The following MDGA2 variants were observed in gnomAD, a reference collection of about 807,000 sequenced individuals.
MDGA2 encodes MAM domain-containing glycosylphosphatidylinositol anchor protein 2.
In MDGA2, 40 loss-of-function variants were observed where a neutral mutation model predicts 117.8. The observed-to-expected ratio is 0.34, with a 90% CI of 0.26 to 0.44. The LOEUF (loss-of-function observed/expected upper bound fraction) is 0.44, where lower values mean the gene tolerates loss of function less well. MDGA2 is among the 20% of genes least tolerant of loss of function. The pLI is 1.00. For synonymous variants in MDGA2, 452 were observed against 439.0 expected (o/e 1.03, Z -0.37); for missense variants, 1,123 against 1,250.6 (o/e 0.90, Z 1.54).
At chr14:47,497,013 G>GAC (rs1057495502) in intron 1 of MDGA2, among the ~76,000 whole-genome samples, 1 of 151,918 alleles carries the variant, frequency 6.6e-6, no homozygotes, top group African/African-American at 2.4e-5. Flanking sequence ...GTGCTGATCT[G>GAC]ACAGCAGGTG....
chr14:47,489,075 G>T (rs548044170), intron 1 of MDGA2, among the ~76,000 whole-genome samples: 36 of 152,014 alleles, frequency 2.4e-4, no homozygotes, highest in Admixed American at 1.8e-3. Context: ...TATTTATGAT[G>T]ATGTAGGTTT....
intron 8 of MDGA2, among the ~76,000 whole-genome samples, chr14:46,984,518 A>G (rs1886796148): frequency 6.6e-6 from 1 of 152,000 alleles, no homozygotes. Flanking sequence ...AATCAGTGCA[A>G]TTATATCAAA....
chr14:47,223,519 C>T (rs1886372718), intron 2 of MDGA2, among the ~76,000 whole-genome samples: 1 of 152,132 alleles, frequency 6.6e-6, no homozygotes. Flanking sequence ...TGCCTCATGA[C>T]ACTGCTTATA....
chr14:47,461,297 G>GTGTGTGTGTGTGTGTT (rs1399767786), intron 1 of MDGA2, among the ~76,000 whole-genome samples: 2 of 151,672 alleles, frequency 1.3e-5, no homozygotes, highest in Non-Finnish European at 2.9e-5. Flanking sequence ...GTGTGTGTGT[G>GTGTGTGTGTGTGTGTT]TATCTACTGT....
At chr14:47,159,097 G>A (rs1883527267) in intron 3 of MDGA2, among the ~76,000 whole-genome samples, 1 of 152,218 alleles carries the variant, frequency 6.6e-6, no homozygotes, top group African/African-American at 2.4e-5. Context: ...ACTACTCTGT[G>A]TGATACTAAA....
intron 1 of MDGA2, among the ~76,000 whole-genome samples, chr14:47,380,130 T>C (rs1891579766): frequency 6.6e-6 from 1 of 152,162 alleles, no homozygotes; most frequent in African/African-American, 2.4e-5. Context: ...ACTGGGTATG[T>C]AATGAAATGA....
intron 7 of MDGA2, among the ~76,000 whole-genome samples, chr14:47,042,177 T>C (rs1889093519): frequency 6.6e-6 from 1 of 152,100 alleles, no homozygotes; most frequent in Non-Finnish European, 1.5e-5. Flanking sequence ...AGAGATACTA[T>C]GTTTATGAAA....
rs576587569 is a variant in MDGA2, at chr14:47,416,548, G to A, written c.281-114998C>T. ...ACCCTGCTGGTCCAGAGTCACAAAAGTGCCCACATCCCCATGACTCCACTA... is the reference window on the plus strand; with the variant it reads ...ACCCTGCTGGTCCAGAGTCACAAAAATGCCCACATCCCCATGACTCCACTA... On this transcript the variant is annotated intron_variant, in intron 1 of 16. Coordinates refer to ENST00000399232, the MANE Select transcript of MDGA2 (RefSeq NM_001113498.3). Among the ~76,000 whole-genome samples the A allele has an allele frequency of 7.9e-5, 12 of 152,212 alleles. No individual in the cohort carries two copies. The South Asian group carries it at 2.3e-3, about 29-fold the overall frequency.
chr14:47,157,819 C>A (rs775078789), intron 3 of MDGA2, among the ~76,000 whole-genome samples: 38 of 152,156 alleles, frequency 2.5e-4, no homozygotes, highest in Non-Finnish European at 4.1e-4. Context: ...AGGGCTCCCC[C>A]CCTCACTCAG....
At chr14:46,993,618 C>A (rs185095423) in intron 8 of MDGA2, among the ~76,000 whole-genome samples, 228 of 151,928 alleles carry the variant, frequency 1.5e-3, no homozygotes, top group Non-Finnish European at 2.6e-3. Flanking sequence ...CATGCCACCA[C>A]GCCCAGCTAA....
intron 1 of MDGA2, among the ~76,000 whole-genome samples, chr14:47,395,476 C>A (rs914046032): frequency 4.0e-5 from 6 of 151,880 alleles, no homozygotes; most frequent in African/African-American, 7.3e-5. Context: ...ATGGCAAGTG[C>A]CAAACATAAC....
chr14:46,845,879 T>C lies in MDGA2; in HGVS notation c.2884-8A>G, dbSNP rs776343386. The C allele has an allele frequency of 4.4e-6, 7 of 1,597,870 alleles. No homozygotes were observed. On this transcript the variant is annotated splice_polypyrimidine_tract_variant and splice_region_variant and intron_variant, in intron 15 of 16. Coordinates refer to ENST00000399232, the MANE Select transcript of MDGA2 (RefSeq NM_001113498.3). ...GATACCTTCAAAAATGAGCTACAAA[T>C]ATGAATGAAACAAACCTAAATGTGG... is the stretch of plus-strand genomic sequence containing the variant.
At chr14:47,260,689 A>G (rs890880973) in intron 2 of MDGA2, among the ~76,000 whole-genome samples, 21 of 152,216 alleles carry the variant, frequency 1.4e-4, no homozygotes, top group Middle Eastern at 3.4e-3. Context: ...CATCCTTCTT[A>G]GAGTTCTCTG....
chr14:47,597,805 G>T (rs930134945), intron 1 of MDGA2, among the ~76,000 whole-genome samples: 2 of 149,682 alleles, frequency 1.3e-5, no homozygotes, highest in Non-Finnish European at 3.0e-5. Context: ...ATATATGGAA[G>T]ATTCCTTAAA....
At chr14:47,000,182 TCAC>T (rs973356192) in intron 8 of MDGA2, among the ~76,000 whole-genome samples, 7 of 150,850 alleles carry the variant, frequency 4.6e-5, no homozygotes, top group Admixed American at 3.3e-4. Context: ...TATTTAATTC[TCAC>T]AACACTGTGA....
chr14:47,599,559 TA>T (rs546538908), intron 1 of MDGA2, among the ~76,000 whole-genome samples: 114 of 152,224 alleles, frequency 7.5e-4, no homozygotes, highest in South Asian at 6.8e-3. Context: ...CAATAGGCCT[TA>T]AAAAAGTTAC....
chr14:47,540,496 G>C (rs1369191680), intron 1 of MDGA2, among the ~76,000 whole-genome samples: 1 of 146,864 alleles, frequency 6.8e-6, no homozygotes, highest in East Asian at 2.0e-4. Context: ...GTATACGTGT[G>C]TGTGTTTGTA....
chr14:47,189,284 A>G (rs996518058), intron 3 of MDGA2, among the ~76,000 whole-genome samples: 2 of 152,112 alleles, frequency 1.3e-5, no homozygotes, highest in Non-Finnish European at 1.5e-5. Flanking sequence ...GAACAATTTT[A>G]TCGGTGCTGC....
intron 1 of MDGA2, among the ~76,000 whole-genome samples, chr14:47,342,746 T>G (rs190327643): frequency 6.0e-4 from 92 of 152,272 alleles, no homozygotes; most frequent in Middle Eastern, 3.4e-3. Context: ...CAATTGAGGA[T>G]ATTCTTAGAG....
Sources: gnomAD v4.1 joint callset for allele counts (sites outside exome capture counted in the v4.1 genomes callset) on GRCh38, gnomAD v4.1.1 for gene constraint, MANE v1.5 for transcripts, NCBI Gene and HGNC (gene_info 2026-07-23, HGNC 2026-07-21) for gene names.